PDGFC: variants seen among roughly 807,000 people sequenced by gnomAD.
The protein encoded by PDGFC is platelet derived growth factor C, also known as platelet-derived growth factor C.
A neutral mutation model predicts 35.5 loss-of-function variants in PDGFC; 12 were observed. The ratio of observed to expected loss-of-function variants is 0.34; its 90% CI spans 0.22 to 0.55. The LOEUF is 0.55. PDGFC is among the 20% of genes least tolerant of loss of function. PDGFC has a pLI of 0.91. For synonymous variants in PDGFC, 159 were observed against 148.8 expected (o/e 1.07, Z -0.50); for missense variants, 322 against 412.4 (o/e 0.78, Z 1.90).
At chr4:156,889,205 T>C (rs1350083065) in intron 1 of PDGFC, among the ~76,000 whole-genome samples, 1 of 152,174 alleles carries the variant, frequency 6.6e-6, no homozygotes, top group Admixed American at 6.5e-5. Flanking sequence ...CATTATTATT[T>C]TTTTCTCATG....
intron 2 of PDGFC, among the ~76,000 whole-genome samples, chr4:156,849,531 C>G (rs1442913047): frequency 2.6e-5 from 4 of 152,010 alleles, no homozygotes; most frequent in Admixed American, 6.6e-5. Context: ...GACCACCCAA[C>G]CTTGACAAGT....
chr4:156,935,148 C>T (rs1016371360), intron 1 of PDGFC, among the ~76,000 whole-genome samples: 2 of 152,080 alleles, frequency 1.3e-5, no homozygotes, highest in African/African-American at 4.8e-5. Flanking sequence ...CAGGCGTGCA[C>T]CACCACGCCC....
intron 2 of PDGFC, among the ~76,000 whole-genome samples, chr4:156,838,371 C>A (rs577159580): frequency 1.3e-5 from 2 of 152,340 alleles, no homozygotes; most frequent in Admixed American, 1.3e-4. Flanking sequence ...CTAGTTCCTG[C>A]TATGGCAATT....
intron 1 of PDGFC, among the ~76,000 whole-genome samples, chr4:156,928,825 C>A (rs866025684): frequency 2.0e-5 from 3 of 152,258 alleles, no homozygotes; most frequent in Non-Finnish European, 4.4e-5. Flanking sequence ...TCCACTTTTT[C>A]TCATATTGGT....
At chr4:156,827,404 G>C (rs1175818275) in intron 2 of PDGFC, among the ~76,000 whole-genome samples, 1 of 147,400 alleles carries the variant, frequency 6.8e-6, no homozygotes, top group Non-Finnish European at 1.5e-5. Context: ...GTGACAGAGT[G>C]AGACTCCATC....
chr4:156,786,846 T>C (rs1731141459), intron 3 of PDGFC, among the ~76,000 whole-genome samples: 1 of 152,086 alleles, frequency 6.6e-6, no homozygotes, highest in South Asian at 2.1e-4. Context: ...TATTGGAGAG[T>C]TTCAAGGAAA....
intron 2 of PDGFC, among the ~76,000 whole-genome samples, chr4:156,833,342 A>C (rs1267998247): frequency 1.3e-5 from 2 of 152,214 alleles, no homozygotes; most frequent in Non-Finnish European, 2.9e-5. Context: ...AGCACGTATT[A>C]AGTCTGTGAC....
chr4:156,891,253 C>T (rs555621653), intron 1 of PDGFC, among the ~76,000 whole-genome samples: 1 of 134,474 alleles, frequency 7.4e-6, no homozygotes, highest in African/African-American at 2.7e-5. Context: ...GCACTCCAGC[C>T]TGGGCGACAG....
At position 156,793,746 on chromosome 4, in the gene PDGFC, T is replaced by C. The variant is rs575055950; in HGVS notation, c.495+17091A>G. Among the ~76,000 whole-genome samples the C allele has an allele frequency of 2.0e-5, 3 of 151,800 alleles. No individual in the cohort carries two copies. The East Asian group carries it at 5.8e-4, about 29-fold the overall frequency. ...TAACACATACTTGTTGACTACCACA[T>C]GCTAAACACTGGGCTAAGCATTTCA... On this transcript the variant is annotated intron_variant, in intron 3 of 5. Coordinates refer to ENST00000502773, the MANE Select transcript of PDGFC (RefSeq NM_016205.3).
chr4:156,828,795 T>C (rs1728855493), intron 2 of PDGFC, among the ~76,000 whole-genome samples: 3 of 152,156 alleles, frequency 2.0e-5, no homozygotes, highest in African/African-American at 7.2e-5. Context: ...TTAAGAATAT[T>C]CATGACCAAT....
chr4:156,964,669 C>CATT (rs1327728719), intron 1 of PDGFC, among the ~76,000 whole-genome samples: 1 of 152,030 alleles, frequency 6.6e-6, no homozygotes, highest in East Asian at 1.9e-4. Flanking sequence ...ACCAGGATTC[C>CATT]ATTTTCCTAA....
intron 3 of PDGFC, among the ~76,000 whole-genome samples, chr4:156,775,190 G>A (rs1360448538): frequency 2.0e-5 from 3 of 152,036 alleles, no homozygotes; most frequent in South Asian, 4.2e-4. Flanking sequence ...ATCTAAAAAC[G>A]GTTTTAATTT....
At chr4:156,894,704 G>C (rs1395437393) in intron 1 of PDGFC, among the ~76,000 whole-genome samples, 1 of 152,064 alleles carries the variant, frequency 6.6e-6, no homozygotes, top group East Asian at 1.9e-4. Flanking sequence ...GGATTCCACT[G>C]CATAGGAAAT....
chr4:156,856,419 AACCTCT>A (rs1021333515), intron 1 of PDGFC, among the ~76,000 whole-genome samples: 1 of 152,138 alleles, frequency 6.6e-6, no homozygotes, highest in Non-Finnish European at 1.5e-5. Context: ...TTCATGCGAT[AACCTCT>A]AGGGTTGTAA....
chr4:156,870,276 A>C (rs1729948160), intron 1 of PDGFC, among the ~76,000 whole-genome samples: 1 of 152,072 alleles, frequency 6.6e-6, no homozygotes, highest in Non-Finnish European at 1.5e-5. Flanking sequence ...TATTAGCTTA[A>C]TAGGATTTTT....
intron 1 of PDGFC, among the ~76,000 whole-genome samples, chr4:156,965,360 C>T (rs1732440653): frequency 1.3e-5 from 2 of 152,086 alleles, no homozygotes; most frequent in African/African-American, 4.8e-5. Context: ...CAAACAAGGT[C>T]CACGCTCTCA....
chr4:156,916,551 C>A (rs372811187), intron 1 of PDGFC, among the ~76,000 whole-genome samples: 1 of 152,158 alleles, frequency 6.6e-6, no homozygotes, highest in Non-Finnish European at 1.5e-5. Flanking sequence ...AAATGCTGAG[C>A]TTGTCTGTTT....
At chr4:156,925,195 G>C (rs1731378236) in intron 1 of PDGFC, among the ~76,000 whole-genome samples, 1 of 152,186 alleles carries the variant, frequency 6.6e-6, no homozygotes, top group African/African-American at 2.4e-5. Flanking sequence ...GCAAAAACTA[G>C]TATATAATCT....
At chr4:156,876,114 A>G (rs1730111150) in intron 1 of PDGFC, among the ~76,000 whole-genome samples, 1 of 152,140 alleles carries the variant, frequency 6.6e-6, no homozygotes, top group Non-Finnish European at 1.5e-5. Context: ...AAAAACCACA[A>G]ACAAAACAAA....
Sources: gnomAD v4.1 joint callset for allele counts (sites outside exome capture counted in the v4.1 genomes callset) on GRCh38, gnomAD v4.1.1 for gene constraint, MANE v1.5 for transcripts, NCBI Gene and HGNC (gene_info 2026-07-23, HGNC 2026-07-21) for gene names.